The following KIAA1328 variants were observed in gnomAD, a reference collection of about 807,000 sequenced individuals.
The protein encoded by KIAA1328 is KIAA1328.
Under a neutral mutation model 68.1 loss-of-function variants are expected in KIAA1328, and 52 were observed. That is an observed-to-expected ratio of 0.76 (90% CI 0.61 to 0.96). The LOEUF is 0.96. Among genes scored for constraint, KIAA1328 ranks in the 40% least tolerant of loss-of-function variants. KIAA1328 has a pLI of 0.00. For missense variants in KIAA1328, 641 were observed against 677.6 expected (o/e 0.95, Z 0.60); for synonymous variants, 232 against 239.4 (o/e 0.97, Z 0.28).
At chr18:37,096,253 C>CT (rs2057403496) in intron 7 of KIAA1328, among the ~76,000 whole-genome samples, 1 of 152,120 alleles carries the variant, frequency 6.6e-6, no homozygotes, top group South Asian at 2.1e-4. Context: ...ACAGGCCCCG[C>CT]TGTGTGATGT....
intron 8 of KIAA1328, among the ~76,000 whole-genome samples, chr18:37,168,255 A>C (rs1364444313): frequency 6.6e-6 from 1 of 152,242 alleles, no homozygotes; most frequent in Non-Finnish European, 1.5e-5. Flanking sequence ...GGAAGAATAC[A>C]CATGAAAAGT....
At chr18:37,228,696 T>C (rs1049809535), downstream of KIAA1328, among the ~76,000 whole-genome samples, 8 of 152,054 alleles carry the variant, frequency 5.3e-5, no homozygotes, top group Non-Finnish European at 1.0e-4. Flanking sequence ...GGCAGGCACC[T>C]GTAATCCCAG....
At chr18:37,081,792 G>A (rs780378891) in intron 7 of KIAA1328, among the ~76,000 whole-genome samples, 3 of 151,846 alleles carry the variant, frequency 2.0e-5, no homozygotes, top group Non-Finnish European at 4.4e-5. Context: ...CTTTTCCTCC[G>A]ATTTAAATAT....
intron 1 of KIAA1328, chr18:36,833,033 AG>A (rs1568051616): frequency 6.6e-6 from 1 of 151,538 alleles, no homozygotes; most frequent in Non-Finnish European, 1.5e-5. Flanking sequence ...TAGTAGAGAC[AG>A]GGTTTCACCG....
intron 1 of KIAA1328, 124 bp downstream of exon 1, chr18:36,829,320 C>T: frequency 1.4e-6 from 2 of 1,402,822 alleles, no homozygotes; most frequent in Non-Finnish European, 1.8e-6. Context: ...TGGGGACGTG[C>T]TGCTCGGCCC....
chr18:36,900,706 A>G (rs2049009383), intron 5 of KIAA1328, among the ~76,000 whole-genome samples: 1 of 152,024 alleles, frequency 6.6e-6, no homozygotes, highest in African/African-American at 2.4e-5. Context: ...CTAAACAGTG[A>G]TGTTTCTGTC....
At chr18:36,892,309 T>C (rs2048717437) in intron 5 of KIAA1328, among the ~76,000 whole-genome samples, 2 of 152,184 alleles carry the variant, frequency 1.3e-5, no homozygotes, top group African/African-American at 2.4e-5. Context: ...GCAGATGTTC[T>C]AGTCTTTGAA....
chr18:37,011,700 G>A (rs988172381), intron 6 of KIAA1328, among the ~76,000 whole-genome samples: 1 of 152,270 alleles, frequency 6.6e-6, no homozygotes, highest in Admixed American at 6.5e-5. Flanking sequence ...AATGCTAAGT[G>A]AAAGAAGCCA....
intron 7 of KIAA1328, among the ~76,000 whole-genome samples, chr18:37,071,647 C>T (rs2056539852): frequency 2.0e-5 from 3 of 152,038 alleles, no homozygotes; most frequent in African/African-American, 7.2e-5. Flanking sequence ...TTGAGCAAAT[C>T]CATGGGATTT....
intron 7 of KIAA1328, among the ~76,000 whole-genome samples, chr18:37,149,217 A>G (rs546702284): frequency 1.3e-5 from 2 of 152,302 alleles, no homozygotes; most frequent in African/African-American, 4.8e-5. Flanking sequence ...AGACAAACAC[A>G]TGGACCAATG....
downstream of KIAA1328, chr18:37,231,867 C>T (rs2060665311): frequency 6.6e-6 from 1 of 152,316 alleles, no homozygotes; most frequent in Non-Finnish European, 1.5e-5. Flanking sequence ...ATTGGCCAGT[C>T]CCATGCTGAG....
chr18:37,142,054 G>C (rs2058776724), intron 7 of KIAA1328, among the ~76,000 whole-genome samples: 1 of 152,142 alleles, frequency 6.6e-6, no homozygotes, highest in Non-Finnish European at 1.5e-5. Flanking sequence ...TAATATTGAT[G>C]AAAGTTAGAA....
chr18:37,043,548 C>T (rs2151632733), intron 6 of KIAA1328, among the ~76,000 whole-genome samples: 1 of 152,270 alleles, frequency 6.6e-6, no homozygotes, highest in South Asian at 2.1e-4. Context: ...TGCCCTGAGT[C>T]AGCATAGCTT....
intron 5 of KIAA1328, among the ~76,000 whole-genome samples, chr18:36,905,081 A>ATATTTATTTATTTATT (rs55910118): frequency 7.0e-6 from 1 of 142,536 alleles, no homozygotes; most frequent in Admixed American, 7.1e-5. Context: ...TTGTAAGGAG[A>ATATTTATTTATTTATT]TATTTATTTA....
chr18:36,844,064 T>C (rs1333888121), intron 3 of KIAA1328, 144 bp from the exon 4 acceptor site: 9 of 545,906 alleles, frequency 1.6e-5, no homozygotes. Context: ...TGTTTTTAGT[T>C]CACAGTAGGT....
chr18:37,122,775 G>C (rs2058303985), intron 7 of KIAA1328, among the ~76,000 whole-genome samples: 1 of 152,092 alleles, frequency 6.6e-6, no homozygotes, highest in African/African-American at 2.4e-5. Flanking sequence ...AACATATAGG[G>C]CTGATGGATA....
At chr18:37,083,760 A>G (rs938463033) in intron 7 of KIAA1328, among the ~76,000 whole-genome samples, 2 of 152,220 alleles carry the variant, frequency 1.3e-5, no homozygotes, top group African/African-American at 2.4e-5. Context: ...AATTAGAGTT[A>G]CTAGAATTCA....
chr18:37,122,353 A>G (rs951704985), intron 7 of KIAA1328, among the ~76,000 whole-genome samples: 2 of 151,950 alleles, frequency 1.3e-5, no homozygotes, highest in African/African-American at 4.8e-5. Context: ...GTGAGGAAGT[A>G]GTAATGACAA....
chr18:37,026,148 A>C (rs1162300504), intron 6 of KIAA1328, among the ~76,000 whole-genome samples: 1 of 152,194 alleles, frequency 6.6e-6, no homozygotes, highest in East Asian at 1.9e-4. Flanking sequence ...TTCTCGACAC[A>C]TACACCCTCC....
Sources: allele counts gnomAD v4.1 joint callset (sites outside exome capture counted in the v4.1 genomes callset), GRCh38; gene constraint gnomAD v4.1.1; transcripts MANE v1.5; gene names NCBI Gene and HGNC (gene_info 2026-07-23, HGNC 2026-07-21).